The following RANBP17 variants were observed in gnomAD, a reference collection of about 807,000 sequenced individuals.
RANBP17 encodes ran-binding protein 17.
Under a neutral mutation model 141.2 loss-of-function variants are expected in RANBP17, and 158 were observed. The observed-to-expected ratio is 1.12, with a 90% confidence interval of 0.98 to 1.28. RANBP17 has a LOEUF of 1.28. RANBP17 is among the 50% of genes most tolerant of loss of function. The pLI is 0.00. For synonymous variants in RANBP17, 430 were observed against 450.0 expected, an observed-to-expected ratio of 0.96 and a Z score of 0.56; for missense variants, 1,438 against 1,290.7, an observed-to-expected ratio of 1.11 and a Z score of -1.75.
intron 25 of RANBP17, among the ~76,000 whole-genome samples, chr5:171,287,506 ATGAT>A (rs1378547104): frequency 6.6e-6 from 1 of 151,540 alleles, no homozygotes; most frequent in Non-Finnish European, 1.5e-5. Flanking sequence ...AAAAAAAAAA[ATGAT>A]TAACAGATTA....
chr5:170,939,378 T>TATTC lies in RANBP17; in HGVS notation c.1469-14216_1469-14215insCATT, dbSNP rs1373769877. On this transcript the variant is annotated intron_variant, in intron 12 of 27. Transcript: ENST00000523189. ...ATTTTATTTTATTTATTTATTTATT[T>TATTC]ATTTATTTATTTATTTATTTATTTA... is the stretch of plus-strand genomic sequence containing the variant. 8.3e-4 allele frequency among the ~76,000 whole-genome samples: 119 copies of TATTC among 143,220 alleles called. No homozygotes were observed. The Middle Eastern group carries it at 0.014, about 16-fold the overall frequency. The allele number at this position is 143,220 out of a possible 152,430, so 94.0% of individuals were successfully genotyped here. A position where few individuals can be genotyped will look rare whatever the true frequency, so the allele number is the denominator to read the frequency against.
chr5:171,259,450 A>G (rs192259447), intron 24 of RANBP17, among the ~76,000 whole-genome samples: 6 of 152,374 alleles, frequency 3.9e-5, no homozygotes, highest in South Asian at 2.1e-4. Flanking sequence ...ACAGTAGCAA[A>G]GACATAGAAT....
In RANBP17 at chr5:171,024,367, G is replaced by A. The variant is rs79145502; in HGVS notation, c.1710+55990G>A. ...GGGCCAGTGTCTGTTTTGTAAATAAGGTTTTATGGGAATACAGCCACAGTC... is the reference window on the plus strand; with the variant it reads ...GGGCCAGTGTCTGTTTTGTAAATAAAGTTTTATGGGAATACAGCCACAGTC... On this transcript the variant is annotated intron_variant, in intron 14 of 27. Coordinates refer to ENST00000523189, the MANE Select transcript of RANBP17 (RefSeq NM_022897.5). 7.5e-3 allele frequency among the ~76,000 whole-genome samples: 1,146 copies of A among 152,196 alleles called. 13 individuals carry two copies. The highest frequency in any genetic ancestry group is 0.026 in the African/African-American group (1,085 of 41,530).
intron 13 of RANBP17, among the ~76,000 whole-genome samples, chr5:170,954,011 A>G (rs1775409299): frequency 6.6e-6 from 1 of 152,180 alleles, no homozygotes; most frequent in Admixed American, 6.5e-5. Flanking sequence ...AAGGTGGCAA[A>G]ATTGGGTGAC....
intron 25 of RANBP17, among the ~76,000 whole-genome samples, chr5:171,279,324 A>G (rs1012473421): frequency 6.6e-6 from 1 of 152,206 alleles, no homozygotes; most frequent in Non-Finnish European, 1.5e-5. Flanking sequence ...ATTGAGTAAT[A>G]TGTAATGAAC....
chr5:170,972,175 A>ATTTTTTTTTTTTTTTTT (rs5873248), intron 14 of RANBP17, among the ~76,000 whole-genome samples: 2 of 101,370 alleles, frequency 2.0e-5, no homozygotes, highest in Admixed American at 2.3e-4. Context: ...GATCTTTAGG[A>ATTTTTTTTTTTTTTTTT]TTTTTTTTTT....
chr5:171,047,355 G>A (rs1197850734), intron 14 of RANBP17, among the ~76,000 whole-genome samples: 2 of 145,996 alleles, frequency 1.4e-5, no homozygotes, highest in South Asian at 4.5e-4. Flanking sequence ...GATGTTGAAC[G>A]GTTTTTTTTT....
intron 14 of RANBP17, among the ~76,000 whole-genome samples, chr5:171,135,376 G>C (rs1297358890): frequency 6.6e-6 from 1 of 152,008 alleles, no homozygotes; most frequent in Non-Finnish European, 1.5e-5. Context: ...AATGCTTTAG[G>C]ATGGAATATT....
chr5:171,113,784 A>G (rs905712730), intron 14 of RANBP17, among the ~76,000 whole-genome samples: 1 of 152,202 alleles, frequency 6.6e-6, no homozygotes, highest in Non-Finnish European at 1.5e-5. Context: ...AGACCCTTTC[A>G]GGGAGTCAGT....
chr5:170,920,161 C>T (rs1307528801), intron 11 of RANBP17, among the ~76,000 whole-genome samples: 1 of 152,066 alleles, frequency 6.6e-6, no homozygotes, highest in Non-Finnish European at 1.5e-5. Flanking sequence ...TTTTGTTTCT[C>T]CTGGGTAAAT....
At chr5:171,143,905 T>A (rs1042087699) in intron 14 of RANBP17, among the ~76,000 whole-genome samples, 1 of 152,150 alleles carries the variant, frequency 6.6e-6, no homozygotes, top group African/African-American at 2.4e-5. Flanking sequence ...CATGCGAGTA[T>A]TACAGAGCAT....
At chr5:170,881,712 A>C (rs1194412520) in intron 2 of RANBP17, 94 bp from the exon 3 acceptor site, 1 of 877,308 alleles carries the variant, frequency 1.1e-6, no homozygotes, top group Non-Finnish European at 1.7e-6. Context: ...GGAAAACCGG[A>C]AGAATTTCTG....
chr5:171,081,665 A>G (rs1270204634), intron 14 of RANBP17, among the ~76,000 whole-genome samples: 8 of 152,176 alleles, frequency 5.3e-5, no homozygotes, highest in Non-Finnish European at 8.8e-5. Context: ...GTTTTGTAAT[A>G]ATAAATATCA....
intron 18 of RANBP17, among the ~76,000 whole-genome samples, chr5:171,194,475 A>G (rs965670313): frequency 1.3e-5 from 2 of 152,088 alleles, no homozygotes; most frequent in African/African-American, 2.4e-5. Flanking sequence ...TGGCCTCTGT[A>G]TCTGGCCTCT....
intron 14 of RANBP17, among the ~76,000 whole-genome samples, chr5:171,103,148 C>A (rs1787291757): frequency 6.6e-6 from 1 of 152,212 alleles, no homozygotes; most frequent in African/African-American, 2.4e-5. Flanking sequence ...ATCTGCTGCT[C>A]TCTTCCAAGC....
At chr5:171,271,729 A>G (rs940387965) in intron 25 of RANBP17, 1 of 213,016 alleles carries the variant, frequency 4.7e-6, no homozygotes, top group African/African-American at 2.3e-5. Flanking sequence ...GTAATAACGG[A>G]TTTAAAAAGT....
At chr5:171,076,758 T>C (rs1784949039) in intron 14 of RANBP17, among the ~76,000 whole-genome samples, 1 of 152,184 alleles carries the variant, frequency 6.6e-6, no homozygotes, top group African/African-American at 2.4e-5. Flanking sequence ...GTATCAGTAC[T>C]AATATCAAAC....
intron 25 of RANBP17, among the ~76,000 whole-genome samples, chr5:171,283,746 C>T (rs1012805553): frequency 3.3e-5 from 5 of 152,288 alleles, no homozygotes; most frequent in African/African-American, 1.2e-4. Flanking sequence ...ACAGAGATAA[C>T]TATAAGCACA....
At chr5:171,121,396 C>T (rs1756021323) in intron 14 of RANBP17, among the ~76,000 whole-genome samples, 1 of 152,236 alleles carries the variant, frequency 6.6e-6, no homozygotes, top group African/African-American at 2.4e-5. Context: ...TCCAAGAGCG[C>T]CTGCGGAGCT....
Sources: gnomAD v4.1 joint callset for allele counts (sites outside exome capture counted in the v4.1 genomes callset) on GRCh38, gnomAD v4.1.1 for gene constraint, MANE v1.5 for transcripts, NCBI Gene and HGNC (gene_info 2026-07-23, HGNC 2026-07-21) for gene names.